PRKCH: variants seen among roughly 807,000 people sequenced by gnomAD.
The protein encoded by PRKCH is protein kinase C eta.
A neutral mutation model predicts 82.5 loss-of-function variants in PRKCH; 28 were observed. That is an observed-to-expected ratio of 0.34 (90% CI 0.25 to 0.47). The LOEUF (loss-of-function observed/expected upper bound fraction) is 0.47, where lower values mean the gene tolerates loss of function less well. Ranked by LOEUF, PRKCH falls within the 20% of genes least tolerant of loss-of-function variation. The pLI, the probability that PRKCH is intolerant of heterozygous loss-of-function variation, is 1.00. For synonymous variants in PRKCH, 322 were observed against 327.4 expected, an observed-to-expected ratio of 0.98 and a Z score of 0.18; for missense variants, 705 against 881.8, an observed-to-expected ratio of 0.80 and a Z score of 2.54.
At chr14:61,487,949 C>G (rs1264746344) in intron 10 of PRKCH, among the ~76,000 whole-genome samples, 1 of 151,920 alleles carries the variant, frequency 6.6e-6, no homozygotes, top group Non-Finnish European at 1.5e-5. Context: ...GTCAGGAGAT[C>G]GAGACCATCC....
intron 2 of PRKCH, among the ~76,000 whole-genome samples, chr14:61,417,847 G>T (rs1256522763): frequency 6.6e-6 from 1 of 152,186 alleles, no homozygotes; most frequent in Admixed American, 6.5e-5. Flanking sequence ...GTGTGTTTGT[G>T]TTTGCAGTAC....
Position 61,533,530 on chromosome 14 carries a change from G to A in PRKCH, c.1761+2935G>A, listed in dbSNP as rs763361699. On this transcript the variant is annotated intron_variant, in intron 12 of 13. Coordinates refer to ENST00000332981, the MANE Select transcript of PRKCH (RefSeq NM_006255.5). ...AGGGAAAGGCATCAGAATTGGGTTG[G>A]TTAAGAACCTGCCTCCAGAGCAGAG... Among the ~76,000 whole-genome samples, 202 of 152,220 alleles carry A rather than the reference G, an allele frequency of 1.3e-3. 7 individuals are homozygous for A. The highest frequency in any genetic ancestry group is 2.4e-4 in the Non-Finnish European group (16 of 68,036).
chr14:61,346,757 A>T (rs1320778364), intron 1 of PRKCH, among the ~76,000 whole-genome samples: 1 of 152,208 alleles, frequency 6.6e-6, no homozygotes, highest in Non-Finnish European at 1.5e-5. Context: ...GCATGGGCAA[A>T]TGCTTCACAT....
intron 12 of PRKCH, among the ~76,000 whole-genome samples, chr14:61,536,112 C>T (rs888307565): frequency 4.6e-5 from 7 of 152,160 alleles, no homozygotes; most frequent in African/African-American, 1.7e-4. Flanking sequence ...TACAAGCTCC[C>T]CTGTGGATCC....
intron 9 of PRKCH, among the ~76,000 whole-genome samples, chr14:61,484,208 C>T (rs77456468): frequency 0.018 from 2,758 of 152,004 alleles, 84 homozygotes; most frequent in African/African-American, 0.061. Flanking sequence ...CGTCGCCTGA[C>T]CCCCAGGCAG....
rs147367746 is a variant in PRKCH, at chr14:61,322,389, C to G, written c.288C>G (p.His96Gln). 5.0e-6 allele frequency: 8 copies of G among 1,612,768 alleles called. No individual in the cohort carries two copies. Among genetic ancestry groups the G allele is most frequent in the Non-Finnish European group, 6.8e-6 (8 of 1,179,476 alleles). The change falls in exon 1 of 14, where the codon CAC becomes CAG. Residue 96 changes from histidine (H) to glutamine (Q), a missense_variant. Transcript: ENST00000332981. ...ACGAGACGCCCCTGGGCTACGACCA[C>G]TTCGTGGCCAACTGCACCCTGCAGT... ...VFHETPLGYDHFVANCTLQFQ... is the reference protein window; with the variant it reads ...VFHETPLGYDQFVANCTLQFQ...
intron 10 of PRKCH, among the ~76,000 whole-genome samples, chr14:61,494,668 A>G (rs1455974163): frequency 2.6e-5 from 4 of 152,228 alleles, no homozygotes; most frequent in Admixed American, 6.5e-5. Flanking sequence ...ATAAGAGGTT[A>G]TCTTTGCATA....
intron 1 of PRKCH, among the ~76,000 whole-genome samples, chr14:61,333,804 A>G (rs1312388054): frequency 6.6e-6 from 1 of 152,182 alleles, no homozygotes; most frequent in Admixed American, 6.5e-5. Context: ...CATCTTTTTC[A>G]TACGCTTTTT....
rs149394500 is a variant in PRKCH at position 61,367,784 on chromosome 14, G to A, written c.364-23441G>A. On this transcript the variant is annotated intron_variant, in intron 1 of 13. Coordinates refer to ENST00000332981, the MANE Select transcript of PRKCH (RefSeq NM_006255.5). Reference sequence around the variant, plus strand: ...GGCTGGAGTGCAGTGGCGCAATCTCGGCTCACTGCAAGCTCCGCCTCCCAG... The same window carrying A: ...GGCTGGAGTGCAGTGGCGCAATCTCAGCTCACTGCAAGCTCCGCCTCCCAG... Among the ~76,000 whole-genome samples, 1,181 of 149,200 alleles carry A rather than the reference G, an allele frequency of 7.9e-3. 38 individuals are homozygous for A. Among genetic ancestry groups the A allele is most frequent in the African/African-American group, 0.027 (1,089 of 40,108 alleles).
At chr14:61,225,741 CTT>C (rs199858394) in intron 1 of PRKCH, among the ~76,000 whole-genome samples, 2 of 147,776 alleles carry the variant, frequency 1.4e-5, no homozygotes, top group Admixed American at 6.8e-5. Flanking sequence ...GGAAGATATA[CTT>C]TTTTTTTTTT....
In PRKCH at chr14:61,321,981, T is replaced by C; in HGVS notation, c.-121T>C. 1 of 1,111,904 alleles carries C rather than the reference T, an allele frequency of 9.0e-7. No homozygotes were observed. The highest frequency in any genetic ancestry group is 1.2e-6 in the Non-Finnish European group (1 of 803,154). The allele number at this position is 1,111,904 out of a possible 1,614,324, so 68.9% of individuals were successfully genotyped here. A position where few individuals can be genotyped will look rare whatever the true frequency, so the allele number is the denominator to read the frequency against. ...GGCCAGTCGAGGGGCGCTTAGGCGC[T>C]GCCTTTCCCCAGGGCTGCCTCGACT... On this transcript the variant is annotated 5_prime_UTR_variant, in exon 1 of 14. Transcript: ENST00000332981. The surrounding 1 kb of genome is among the most constrained non-coding windows in gnomAD (Gnocchi z 4.1).
chr14:61,325,869 A>G (rs967040597), intron 1 of PRKCH, among the ~76,000 whole-genome samples: 2 of 152,222 alleles, frequency 1.3e-5, no homozygotes, highest in African/African-American at 2.4e-5. Context: ...GCTCAAAATC[A>G]TGAGTCATTA....
At chr14:61,369,457 G>A (rs1488993368) in intron 1 of PRKCH, among the ~76,000 whole-genome samples, 3 of 152,042 alleles carry the variant, frequency 2.0e-5, no homozygotes, top group Admixed American at 6.5e-5. Context: ...TTTTCTTTTT[G>A]TTTGCTTTGC....
intron 2 of PRKCH, among the ~76,000 whole-genome samples, chr14:61,392,047 A>G (rs982600117): frequency 2.6e-5 from 4 of 152,068 alleles, no homozygotes; most frequent in African/African-American, 9.7e-5. Context: ...TTCACTCAGC[A>G]TAGTTTTTAG....
intron 12 of PRKCH, among the ~76,000 whole-genome samples, chr14:61,539,950 A>G (rs1371580693): frequency 6.6e-6 from 1 of 152,188 alleles, no homozygotes; most frequent in Non-Finnish European, 1.5e-5. Flanking sequence ...TTTTCTTATG[A>G]TGTATTTAGA....
rs1175562522 is a variant in PRKCH at position 61,492,746 on chromosome 14, T to C, written c.1433+7090T>C. Among the ~76,000 whole-genome samples the C allele has an allele frequency of 7.9e-5, 12 of 152,328 alleles. No individual in the cohort carries two copies. In the East Asian group the frequency reaches 2.3e-3, roughly 29 times the overall value. ...GATGTCTGCCCTTTGAGGCGCTTTC[T>C]GTGGGGTGAGAGAGATAGCCATTAA... On this transcript the variant is annotated intron_variant, in intron 10 of 13. Coordinates refer to ENST00000332981, the MANE Select transcript of PRKCH (RefSeq NM_006255.5).
chr14:61,534,431 T>C (rs868314058), intron 12 of PRKCH, among the ~76,000 whole-genome samples: 3 of 152,348 alleles, frequency 2.0e-5, no homozygotes, highest in African/African-American at 7.2e-5. Flanking sequence ...AATATTGACT[T>C]GACGCCTTTT....
chr14:61,233,887 AATGG>A (rs142050077), intron 1 of PRKCH, among the ~76,000 whole-genome samples: 2,249 of 152,308 alleles, frequency 0.015, 62 homozygotes, highest in African/African-American at 0.052. Flanking sequence ...GCAGCATGAG[AATGG>A]ATGAATACAT....
At chr14:61,534,993 A>G (rs1405277827) in intron 12 of PRKCH, among the ~76,000 whole-genome samples, 1 of 152,194 alleles carries the variant, frequency 6.6e-6, no homozygotes, top group East Asian at 1.9e-4. Flanking sequence ...CAGCAACATC[A>G]TCAAGGTTAT....
Sources: gnomAD v4.1 joint callset for allele counts (sites outside exome capture counted in the v4.1 genomes callset) on GRCh38, gnomAD v4.1.1 for gene constraint, Gnocchi (gnomAD v3.1) non-coding constraint, MANE v1.5 for transcripts, NCBI Gene and HGNC (gene_info 2026-07-23, HGNC 2026-07-21) for gene names.